METTL15: variants seen among roughly 807,000 people sequenced by gnomAD.
METTL15 encodes 12S rRNA N(4)-cytidine methyltransferase METTL15.
A neutral mutation model predicts 38.3 loss-of-function variants in METTL15; 34 were observed. The ratio of observed to expected loss-of-function variants is 0.89; its 90% CI spans 0.68 to 1.18. The LOEUF (loss-of-function observed/expected upper bound fraction) is 1.18. METTL15 is among the 50% of genes most tolerant of loss of function. METTL15 has a pLI of 0.00. For synonymous variants in METTL15, 162 were observed against 170.9 expected (o/e 0.95, Z 0.41); for missense variants, 438 against 498.4 (o/e 0.88, Z 1.15).
intron 5 of METTL15, among the ~76,000 whole-genome samples, chr11:28,409,522 G>A (rs576462546): frequency 1.3e-5 from 2 of 151,826 alleles, no homozygotes; most frequent in South Asian, 2.1e-4. Context: ...ACATGCTCCT[G>A]AACAACAAAT....
At chr11:28,176,894 G>A (rs1024656864) in intron 3 of METTL15, among the ~76,000 whole-genome samples, 9 of 152,070 alleles carry the variant, frequency 5.9e-5, no homozygotes, top group Non-Finnish European at 1.3e-4. Flanking sequence ...AATACTACCT[G>A]TTATTCTTGT....
rs868335313 is a variant in METTL15, at chr11:28,255,735, C to G, written c.408-34471C>G. Among the ~76,000 whole-genome samples the G allele has an allele frequency of 2.0e-5, 3 of 152,116 alleles. 1 individual carries two copies. The South Asian group carries it at 6.2e-4, about 32-fold the overall frequency. ...GGCTTTTCTTTGAGACGGAGTTTCG[C>G]TCTTGTTGCCCAGGCTGGAGTGTAA... On this transcript the variant is annotated intron_variant, in intron 4 of 6. Coordinates refer to ENST00000407364, the MANE Select transcript of METTL15 (RefSeq NM_001113528.2).
chr11:28,109,470 G>A (rs1851624056), intron 1 of METTL15, among the ~76,000 whole-genome samples: 1 of 152,136 alleles, frequency 6.6e-6, no homozygotes, highest in African/African-American at 2.4e-5. Context: ...CCCATGAGAC[G>A]TAGGTAATAT....
intron 4 of METTL15, among the ~76,000 whole-genome samples, 187 bp downstream of exon 4, chr11:28,211,385 C>T (rs1021725965): frequency 6.6e-6 from 1 of 151,978 alleles, no homozygotes; most frequent in African/African-American, 2.4e-5. Flanking sequence ...ATGCTATTTT[C>T]CAGTTATCCT....
At chr11:28,222,855 T>C (rs1590183370) in intron 4 of METTL15, among the ~76,000 whole-genome samples, 1 of 152,266 alleles carries the variant, frequency 6.6e-6, no homozygotes, top group African/African-American at 2.4e-5. Context: ...AAGATTGATA[T>C]CTACTATATA....
intron 6 of METTL15, among the ~76,000 whole-genome samples, chr11:28,522,222 G>A (rs1851770721): frequency 6.6e-6 from 1 of 152,200 alleles, no homozygotes; most frequent in African/African-American, 2.4e-5. Context: ...ATGTGTATAT[G>A]AGCAGTGTAT....
chr11:28,426,460 G>A (rs565568057), intron 6 of METTL15, among the ~76,000 whole-genome samples: 12 of 152,140 alleles, frequency 7.9e-5, no homozygotes, highest in Admixed American at 5.2e-4. Context: ...TTGCTGGGTC[G>A]AATGGTATTT....
intron 3 of METTL15, among the ~76,000 whole-genome samples, chr11:28,158,005 G>T (rs559143363): frequency 3.9e-5 from 6 of 152,192 alleles, no homozygotes; most frequent in Non-Finnish European, 5.9e-5. Flanking sequence ...ACTTCAAGCA[G>T]TGTACCTGGT....
At chr11:28,481,805 G>A (rs1564943652) in intron 6 of METTL15, among the ~76,000 whole-genome samples, 4 of 152,116 alleles carry the variant, frequency 2.6e-5, no homozygotes, top group Non-Finnish European at 5.9e-5. Flanking sequence ...CAGCCCGCTG[G>A]GCTCAAATAC....
chr11:28,319,576 A>G (rs1021721570), intron 6 of METTL15, among the ~76,000 whole-genome samples: 1 of 152,072 alleles, frequency 6.6e-6, no homozygotes, highest in Non-Finnish European at 1.5e-5. Context: ...TTAACCCCTC[A>G]GTTTGGTACC....
chr11:28,193,930 CTATTA>C (rs1176350937), intron 3 of METTL15, among the ~76,000 whole-genome samples: 3 of 151,892 alleles, frequency 2.0e-5, no homozygotes, highest in Non-Finnish European at 4.4e-5. Flanking sequence ...TTGTATTTTT[CTATTA>C]TAAGATTGTT....
intron 6 of METTL15, chr11:28,516,682 T>C (rs1229454071): frequency 6.6e-6 from 1 of 152,178 alleles, no homozygotes; most frequent in Non-Finnish European, 1.5e-5. Flanking sequence ...GTAATTCTCC[T>C]GTGAATGTCA....
At chr11:28,423,983 T>C (rs1850843402) in intron 5 of METTL15, among the ~76,000 whole-genome samples, 1 of 152,116 alleles carries the variant, frequency 6.6e-6, no homozygotes, top group Admixed American at 6.6e-5. Flanking sequence ...TATACTCCTA[T>C]TATGTACTCA....
At chr11:28,322,039 T>G (rs1349667607) in intron 6 of METTL15, among the ~76,000 whole-genome samples, 1 of 151,830 alleles carries the variant, frequency 6.6e-6, no homozygotes, top group Non-Finnish European at 1.5e-5. Context: ...AAAAACAAAT[T>G]TTGTGTGGAT....
chr11:28,149,637 G>A lies in METTL15; in HGVS notation c.270+36033G>A, dbSNP rs756034491. 3.3e-5 allele frequency among the ~76,000 whole-genome samples: 5 copies of A among 151,938 alleles called. No individual in the cohort carries two copies. In the South Asian group the frequency reaches 8.3e-4, roughly 25 times the overall value. On this transcript the variant is annotated intron_variant, in intron 3 of 6. Transcript: ENST00000407364. The stretch of plus-strand genomic sequence containing the variant: ...ATTCTTTAGGGATAGGCAAGGAGTG[G>A]CTGAGGATCCATTAAGGAGAACATG...
chr11:28,352,131 G>T (rs1249835071), exon 4 of METTL15: 1 of 152,166 alleles, frequency 6.6e-6, no homozygotes, highest in African/African-American at 2.4e-5. Context: ...ATGTCCCAAG[G>T]CCTAACCTGC....
intron 3 of METTL15, among the ~76,000 whole-genome samples, chr11:28,205,550 AGTGCCTCAATAAACATACGT>A (rs1221301780): frequency 2.6e-5 from 4 of 152,160 alleles, no homozygotes; most frequent in Non-Finnish European, 5.9e-5. Flanking sequence ...TATTGTGAAT[AGTGCCTCAATAAACATACGT>A]GTGCATGTGT....
intron 5 of METTL15, among the ~76,000 whole-genome samples, chr11:28,406,729 G>T (rs952221635): frequency 6.6e-6 from 1 of 152,134 alleles, no homozygotes. Flanking sequence ...ATGCTGAATA[G>T]GAGTGGTGAG....
At chr11:28,484,661 A>G (rs369934691) in intron 6 of METTL15, among the ~76,000 whole-genome samples, 12 of 151,934 alleles carry the variant, frequency 7.9e-5, no homozygotes, top group East Asian at 7.7e-4. Context: ...AAAACATCCT[A>G]GGTGCTCTGG....
Sources: allele counts gnomAD v4.1 joint callset (sites outside exome capture counted in the v4.1 genomes callset), GRCh38; gene constraint gnomAD v4.1.1; transcripts MANE v1.5; gene names NCBI Gene and HGNC (gene_info 2026-07-23, HGNC 2026-07-21).